The following HOMER1 variants were observed in gnomAD, a reference collection of about 807,000 sequenced individuals.
The protein encoded by HOMER1 is homer scaffold protein 1, also known as homer protein homolog 1.
In HOMER1, 3 loss-of-function variants were observed where a neutral mutation model predicts 48.9. The observed-to-expected ratio is 0.06, with a 90% CI of 0.03 to 0.16. The LOEUF (loss-of-function observed/expected upper bound fraction) is 0.16, where lower values mean the gene tolerates loss of function less well. Among genes scored for constraint, HOMER1 ranks in the 10% least tolerant of loss-of-function variants. The probability of loss-of-function intolerance (pLI) is 1.00; values close to 1 mark genes in which losing one functional copy is unlikely to be tolerated. For synonymous variants in HOMER1, 134 were observed against 146.4 expected, an observed-to-expected ratio of 0.92 and a Z score of 0.61; for missense variants, 247 against 411.4, an observed-to-expected ratio of 0.60 and a Z score of 3.46.
intron 1 of HOMER1, among the ~76,000 whole-genome samples, chr5:79,485,071 CA>C (rs1445882068): frequency 1.5e-5 from 2 of 131,390 alleles, no homozygotes; most frequent in African/African-American, 6.6e-5. Flanking sequence ...AGAACTGTGT[CA>C]AAAGTAAAAC....
chr5:79,428,858 C>T (rs1299828976), intron 5 of HOMER1, among the ~76,000 whole-genome samples: 1 of 152,162 alleles, frequency 6.6e-6, no homozygotes, highest in Non-Finnish European at 1.5e-5. Context: ...TGGCCGTGAG[C>T]TCCAAACTGA....
rs112221817 is a variant in HOMER1, at chr5:79,495,748, T to A, written c.5+17022A>T. ...AACATGTGCTTACATCATGCATTGA[T>A]TTTTCAGGTGTTGGTTACAGGGAGA... On this transcript the variant is annotated intron_variant, in intron 1 of 8. Coordinates refer to ENST00000334082, the MANE Select transcript of HOMER1 (RefSeq NM_004272.5). Among the ~76,000 whole-genome samples the A allele has an allele frequency of 1.8e-3, 267 of 152,308 alleles. 2 individuals are homozygous for A. The highest frequency in any genetic ancestry group is 6.1e-3 in the African/African-American group (253 of 41,580).
chr5:79,402,696 T>C (rs1278121745), intron 5 of HOMER1, among the ~76,000 whole-genome samples: 2 of 152,268 alleles, frequency 1.3e-5, no homozygotes, highest in South Asian at 2.1e-4. Context: ...AAAACATCTA[T>C]TAAAAAAACC....
rs531482425 is a variant in HOMER1, at chr5:79,422,942, C to T, written c.527+16068G>A. 4.7e-5 allele frequency among the ~76,000 whole-genome samples: 7 copies of T among 148,328 alleles called. No individual in the cohort carries two copies. In the South Asian group the frequency reaches 1.3e-3, roughly 27 times the overall value. ...AGATGACCTTTCTCTCATTTGTTATCACTAACTTCACTGAATTAAAAACAA... is the reference window on the plus strand; with the variant it reads ...AGATGACCTTTCTCTCATTTGTTATTACTAACTTCACTGAATTAAAAACAA... On this transcript the variant is annotated intron_variant, in intron 5 of 8. Coordinates refer to ENST00000334082, the MANE Select transcript of HOMER1 (RefSeq NM_004272.5).
At position 79,396,893 on chromosome 5, in the gene HOMER1, C is replaced by T. The variant is rs1749400194; in HGVS notation, c.806G>A (p.Arg269Lys). The change falls in exon 8 of 9, where the codon AGG (arginine) becomes AAG (lysine). Residue 269 changes from arginine to lysine, a missense_variant. Physicochemically the swap from Arg to Lys is conservative, Grantham distance 26. Coordinates refer to ENST00000334082, the MANE Select transcript of HOMER1 (RefSeq NM_004272.5). Reference protein sequence around the residue: ...TLKLKEEEIERLKQEIDNARE... With the variant: ...TLKLKEEEIEKLKQEIDNARE... ...GGCATTATCAATTTCTTGTTTTAAC[C>T]TTTCTATTTCCTAGAAAAGACAGAG... 4 of 1,582,372 alleles carry T rather than the reference C, an allele frequency of 2.5e-6. No individual in the cohort carries two copies. Among genetic ancestry groups the T allele is most frequent in the East Asian group, 2.3e-5 (1 of 44,410 alleles).
chr5:79,400,444 C>T (rs916236415), intron 6 of HOMER1, among the ~76,000 whole-genome samples: 4 of 151,052 alleles, frequency 2.6e-5, no homozygotes, highest in Admixed American at 6.6e-5. Flanking sequence ...TTAGCCTCTG[C>T]CTCCTGGGCT....
At chr5:79,411,118 G>T (rs1749803570) in intron 5 of HOMER1, among the ~76,000 whole-genome samples, 1 of 152,142 alleles carries the variant, frequency 6.6e-6, no homozygotes, top group South Asian at 2.1e-4. Context: ...AATCTAGAGG[G>T]AGTTCAAAAC....
In HOMER1 at chr5:79,494,467, T is replaced by C. The variant is rs544534509; in HGVS notation, c.5+18303A>G. ...CTATCTAGATCACTGTCAACTCCTG[T>C]AGACATTACTACTTAAATCTCTTGA... On this transcript the variant is annotated intron_variant, in intron 1 of 8. Coordinates refer to ENST00000334082, the MANE Select transcript of HOMER1 (RefSeq NM_004272.5). Among the ~76,000 whole-genome samples the C allele has an allele frequency of 4.6e-5, 7 of 152,364 alleles. No individual in the cohort carries two copies. In the South Asian group the frequency reaches 6.2e-4, roughly 14 times the overall value.
intron 5 of HOMER1, among the ~76,000 whole-genome samples, chr5:79,407,202 A>C (rs1263541447): frequency 6.6e-6 from 1 of 152,184 alleles, no homozygotes; most frequent in African/African-American, 2.4e-5. Context: ...TCATAATAAC[A>C]GCCTAGCAGA....
intron 2 of HOMER1, among the ~76,000 whole-genome samples, chr5:79,455,016 T>A (rs1751131863): frequency 6.6e-6 from 1 of 152,058 alleles, no homozygotes; most frequent in Non-Finnish European, 1.5e-5. Flanking sequence ...CTGGATATAA[T>A]CATAGCTCAC....
At chr5:79,460,449 G>A (rs1441063942) in intron 1 of HOMER1, among the ~76,000 whole-genome samples, 13 of 152,166 alleles carry the variant, frequency 8.5e-5, no homozygotes, top group Admixed American at 7.2e-4. Context: ...AAATTTGGCA[G>A]CAATAAAAAG....
intron 4 of HOMER1, among the ~76,000 whole-genome samples, chr5:79,439,866 A>T (rs963229665): frequency 2.0e-5 from 3 of 152,212 alleles, no homozygotes; most frequent in African/African-American, 7.2e-5. Flanking sequence ...CATTTTAAAT[A>T]AATTGAATTT....
At position 79,397,530 on chromosome 5, in the gene HOMER1, T is replaced by C. The variant is rs773998037; in HGVS notation, c.792A>G (p.Glu264=). 1 of 1,555,024 alleles carries C rather than the reference T, an allele frequency of 6.4e-7. No homozygotes were observed. Among genetic ancestry groups the C allele is most frequent in the Non-Finnish European group, 8.9e-7 (1 of 1,129,124 alleles). ...ATGAGTAAAAAGCAGCAAATACCTCTTCCTTCAGTTTCAGTGTCTCTTCCA... is the reference window on the plus strand; with the variant it reads ...ATGAGTAAAAAGCAGCAAATACCTCCTCCTTCAGTTTCAGTGTCTCTTCCA... ...QELEETLKLK[E]EEIERLKQEI... The change falls in exon 7 of 9, where the codon GAA becomes GAG. Residue 264 remains glutamate, a synonymous_variant. Coordinates refer to ENST00000334082, the MANE Select transcript of HOMER1 (RefSeq NM_004272.5).
intron 2 of HOMER1, among the ~76,000 whole-genome samples, chr5:79,455,921 C>A (rs1394255894): frequency 6.6e-6 from 1 of 152,152 alleles, no homozygotes. Flanking sequence ...CTTTGGGAGG[C>A]TGAGGCAGAC....
intron 1 of HOMER1, among the ~76,000 whole-genome samples, chr5:79,498,278 A>C (rs1561387888): frequency 1.3e-5 from 2 of 152,212 alleles, no homozygotes; most frequent in South Asian, 2.1e-4. Context: ...ACATGCCTGT[A>C]TTCCCAGCTA....
At chr5:79,389,090 A>T (rs2112202311) in intron 8 of HOMER1, among the ~76,000 whole-genome samples, 1 of 152,236 alleles carries the variant, frequency 6.6e-6, no homozygotes, top group South Asian at 2.1e-4. Context: ...ACACAAGCAA[A>T]ATGAGTCCAA....
At chr5:79,389,512 G>C (rs528536881) in intron 8 of HOMER1, among the ~76,000 whole-genome samples, 1 of 152,258 alleles carries the variant, frequency 6.6e-6, no homozygotes, top group African/African-American at 2.4e-5. Flanking sequence ...AGGTCATGAG[G>C]GCTCCTCTCC....
intron 1 of HOMER1, among the ~76,000 whole-genome samples, chr5:79,457,833 A>C (rs1751214297): frequency 6.6e-6 from 1 of 152,196 alleles, no homozygotes; most frequent in Non-Finnish European, 1.5e-5. Context: ...GAAGATGTGA[A>C]TAATGAGAAT....
intron 5 of HOMER1, among the ~76,000 whole-genome samples, chr5:79,412,979 T>A (rs1749847781): frequency 6.6e-6 from 1 of 152,060 alleles, no homozygotes; most frequent in Non-Finnish European, 1.5e-5. Context: ...AATTCAGAAC[T>A]AAAGAATATA....
Sources: gnomAD v4.1 joint callset for allele counts (sites outside exome capture counted in the v4.1 genomes callset) on GRCh38, gnomAD v4.1.1 for gene constraint, MANE v1.5 for transcripts, NCBI Gene and HGNC (gene_info 2026-07-23, HGNC 2026-07-21) for gene names.